MED13L: variants seen among roughly 807,000 people sequenced by gnomAD.
MED13L encodes mediator of RNA polymerase II transcription subunit 13-like.
Under a neutral mutation model 220.9 loss-of-function variants are expected in MED13L, and 7 were observed. That is an observed-to-expected ratio of 0.03 (90% CI 0.02 to 0.06). The LOEUF (loss-of-function observed/expected upper bound fraction) is 0.06. MED13L is among the 10% of genes least tolerant of loss of function. MED13L has a pLI of 1.00. For synonymous variants in MED13L, 1,011 were observed against 1,015.2 expected (o/e 1.00, Z 0.08); for missense variants, 1,965 against 2,760.5 (o/e 0.71, Z 6.46).
chr12:115,970,630 T>G lies in MED13L; in HGVS notation c.6031A>C (p.Asn2011His). ...CTAAACCCATCTTCATTGGGGTAGTTGGCTGGAGCCACCTGGATGGTTGAT... is the reference window on the plus strand; with the variant it reads ...CTAAACCCATCTTCATTGGGGTAGTGGGCTGGAGCCACCTGGATGGTTGAT... ...TSSTIQVAPANYPNEDGFSPN... is the reference protein window; with the variant it reads ...TSSTIQVAPAHYPNEDGFSPN... The change falls in exon 27 of 31, where the codon AAC becomes CAC. Residue 2011 changes from asparagine to histidine, a missense_variant. Asn to His is a moderately conservative substitution (Grantham distance 68). Around this residue, in one of 10 missense-constraint regions of MED13L, gnomAD observed 145 missense variants for 328.3 expected, o/e 0.44. Transcript: ENST00000281928. 1.2e-6 allele frequency: 2 copies of G among 1,614,000 alleles called. No homozygotes were observed. The highest frequency in any genetic ancestry group is 1.7e-6 in the Non-Finnish European group (2 of 1,179,890).
chr12:116,134,653 TGTTAAATGCAA>T (rs1876372695), intron 2 of MED13L, among the ~76,000 whole-genome samples: 1 of 152,210 alleles, frequency 6.6e-6, no homozygotes, highest in Non-Finnish European at 1.5e-5. Context: ...TTCAAACCCC[TGTTAAATGCAA>T]GTTAAATGCA....
chr12:116,125,795 A>T lies in MED13L; in HGVS notation c.311-14283T>A, dbSNP rs573652104. 6.6e-5 allele frequency among the ~76,000 whole-genome samples: 10 copies of T among 152,346 alleles called. No individual in the cohort carries two copies. The South Asian group carries it at 2.1e-3, about 32-fold the overall frequency. ...TCATCAGTATAAAACATGTCACCAC[A>T]CATTAAAAATTTTTATTTTAAAAAC... On this transcript the variant is annotated intron_variant, in intron 2 of 30. Transcript: ENST00000281928.
Position 115,963,539 on chromosome 12 carries a change from A to T in MED13L, c.6388-20T>A. Reference sequence around the variant, plus strand: ...CGAAGCCTGGTGAAAAAACAAAGAGAGTTACCTCTCTGGTCTAGACAATCA... The same window carrying T: ...CGAAGCCTGGTGAAAAAACAAAGAGTGTTACCTCTCTGGTCTAGACAATCA... On this transcript the variant is annotated intron_variant, in intron 29 of 30. Transcript: ENST00000281928. 1 of 1,563,256 alleles carries T rather than the reference A, an allele frequency of 6.4e-7. No individual in the cohort carries two copies. Among genetic ancestry groups the T allele is most frequent in the Non-Finnish European group, 8.8e-7 (1 of 1,135,170 alleles).
At chr12:116,155,744 A>G (rs1433382431) in intron 2 of MED13L, among the ~76,000 whole-genome samples, 2 of 152,174 alleles carry the variant, frequency 1.3e-5, no homozygotes, top group Non-Finnish European at 2.9e-5. Flanking sequence ...AAAAACCTTG[A>G]AACTGTTAAT....
intron 1 of MED13L, 46 bp from the exon 2 acceptor site, chr12:116,237,751 A>G (rs1870229513): frequency 6.6e-7 from 1 of 1,518,844 alleles, no homozygotes; most frequent in Non-Finnish European, 9.1e-7. Flanking sequence ...TTTTACTTAC[A>G]GACCACTAAA....
At chr12:116,107,133 C>A (rs1873657427) in intron 3 of MED13L, among the ~76,000 whole-genome samples, 1 of 151,910 alleles carries the variant, frequency 6.6e-6, no homozygotes, top group African/African-American at 2.4e-5. Context: ...GAACTGAGAC[C>A]CAAAATATCT....
intron 2 of MED13L, among the ~76,000 whole-genome samples, chr12:116,168,420 A>G (rs1301240123): frequency 6.6e-6 from 1 of 152,110 alleles, no homozygotes; most frequent in Non-Finnish European, 1.5e-5. Flanking sequence ...GAGGTATCAC[A>G]GAAATTCACT....
At chr12:115,971,453 G>C (rs992232050) in intron 26 of MED13L, among the ~76,000 whole-genome samples, 3 of 152,198 alleles carry the variant, frequency 2.0e-5, no homozygotes, top group African/African-American at 7.2e-5. Flanking sequence ...TTTGATTCAA[G>C]AAATATCTGG....
intron 2 of MED13L, among the ~76,000 whole-genome samples, chr12:116,161,522 T>A (rs1878852979): frequency 6.6e-6 from 1 of 152,158 alleles, no homozygotes; most frequent in South Asian, 2.1e-4. Context: ...TAATAAATAT[T>A]TACTGAGTAT....
intron 4 of MED13L, among the ~76,000 whole-genome samples, chr12:116,084,113 C>T (rs933996115): frequency 3.3e-5 from 5 of 152,160 alleles, no homozygotes; most frequent in African/African-American, 1.2e-4. Context: ...GTGTAATATT[C>T]CTCAAAGGAA....
chr12:115,971,580 T>C (rs1011965440), intron 26 of MED13L, among the ~76,000 whole-genome samples: 6 of 152,214 alleles, frequency 3.9e-5, no homozygotes, highest in Non-Finnish European at 7.3e-5. Flanking sequence ...GACACCTACA[T>C]CTATTGAGAG....
intron 4 of MED13L, among the ~76,000 whole-genome samples, chr12:116,087,250 C>T (rs1593028456): frequency 6.6e-6 from 1 of 151,986 alleles, no homozygotes; most frequent in East Asian, 1.9e-4. Context: ...TTATTCAATA[C>T]CATAAAATTC....
chr12:116,218,449 A>G (rs969861949), intron 2 of MED13L, among the ~76,000 whole-genome samples: 1 of 152,150 alleles, frequency 6.6e-6, no homozygotes, highest in African/African-American at 2.4e-5. Flanking sequence ...CAACAAAAAC[A>G]TGCTTTTTAT....
At chr12:116,084,016 C>A (rs753235827) in intron 4 of MED13L, among the ~76,000 whole-genome samples, 1 of 152,176 alleles carries the variant, frequency 6.6e-6, no homozygotes, top group Non-Finnish European at 1.5e-5. Flanking sequence ...CAAGTCAAAG[C>A]ACAAATACAG....
At chr12:116,249,734 C>CAAAA (rs58809334) in intron 1 of MED13L, among the ~76,000 whole-genome samples, 1 of 19,588 alleles carries the variant, frequency 5.1e-5, no homozygotes, top group African/African-American at 2.3e-4. Context: ...AGTACCTACC[C>CAAAA]AAAAAAAAAA....
chr12:116,064,009 C>T (rs528467762), intron 4 of MED13L, among the ~76,000 whole-genome samples: 1 of 151,926 alleles, frequency 6.6e-6, no homozygotes, highest in South Asian at 2.1e-4. Flanking sequence ...GTGGCAAAAC[C>T]CCACCTTTAC....
At chr12:116,154,564 A>T (rs1878285401) in intron 2 of MED13L, among the ~76,000 whole-genome samples, 1 of 152,224 alleles carries the variant, frequency 6.6e-6, no homozygotes, top group Non-Finnish European at 1.5e-5. Context: ...CTCTGTTCAG[A>T]ATGACATTCT....
intron 2 of MED13L, among the ~76,000 whole-genome samples, chr12:116,156,063 T>G (rs1015184072): frequency 2.0e-5 from 3 of 152,140 alleles, no homozygotes; most frequent in Non-Finnish European, 4.4e-5. Flanking sequence ...TCTAGAATGG[T>G]TTTTCTTAAA....
chr12:116,203,044 T>C (rs933850767), intron 2 of MED13L, among the ~76,000 whole-genome samples: 8 of 152,202 alleles, frequency 5.3e-5, no homozygotes, highest in African/African-American at 1.9e-4. Context: ...AAACCAACAC[T>C]GGACCTTTTA....
Sources: gnomAD v4.1 joint callset for allele counts (sites outside exome capture counted in the v4.1 genomes callset) on GRCh38, gnomAD v4.1.1 for gene constraint, gnomAD v4.1.1 regional missense constraint, MANE v1.5 for transcripts, NCBI Gene and HGNC (gene_info 2026-07-23, HGNC 2026-07-21) for gene names.